RHBDD1: variants seen among roughly 807,000 people sequenced by gnomAD.
RHBDD1 encodes the protein rhomboid domain containing 1, also known as rhomboid-related protein 4.
RHBDD1 carries 38 observed loss-of-function variants against 36.3 expected under a neutral mutation model. The ratio of observed to expected loss-of-function variants is 1.05; its 90% CI spans 0.81 to 1.37. The LOEUF (loss-of-function observed/expected upper bound fraction) is 1.37, where lower values mean the gene tolerates loss of function less well. RHBDD1 is among the 40% of genes most tolerant of loss of function. The pLI, the probability that RHBDD1 is intolerant of heterozygous loss-of-function variation, is 0.00. For synonymous variants in RHBDD1, 151 were observed against 136.5 expected, an observed-to-expected ratio of 1.11 and a Z score of -0.74; for missense variants, 393 against 377.6, an observed-to-expected ratio of 1.04 and a Z score of -0.34.
intron 5 of RHBDD1, among the ~76,000 whole-genome samples, chr2:226,902,256 CA>C (rs1161870784): frequency 6.6e-6 from 1 of 152,198 alleles, no homozygotes; most frequent in South Asian, 2.1e-4. Flanking sequence ...ATGATTGTAA[CA>C]ATACTGTCTG....
chr2:226,900,431 C>A (rs531664060), intron 5 of RHBDD1, among the ~76,000 whole-genome samples: 25 of 152,224 alleles, frequency 1.6e-4, no homozygotes, highest in African/African-American at 5.8e-4. Flanking sequence ...TGCCTGGCCC[C>A]TGTGACTGTA....
intron 3 of RHBDD1, among the ~76,000 whole-genome samples, chr2:226,841,267 G>C (rs936918265): frequency 6.6e-6 from 1 of 151,934 alleles, no homozygotes; most frequent in African/African-American, 2.4e-5. Flanking sequence ...CTAGTAGCTG[G>C]GACTACAGAC....
intron 8 of RHBDD1, among the ~76,000 whole-genome samples, chr2:226,983,268 C>T (rs761566290): frequency 1.1e-4 from 16 of 151,984 alleles, no homozygotes; most frequent in African/African-American, 2.4e-4. Context: ...CCAAGCTCCC[C>T]GACGTGGATT....
rs1944177903 is a variant in RHBDD1 at position 226,864,751 on chromosome 2, T to C, written c.58T>C (p.Phe20Leu). The C allele has an allele frequency of 3.7e-6, 6 of 1,614,176 alleles. No individual in the cohort carries two copies. The highest frequency in any genetic ancestry group is 5.1e-6 in the Non-Finnish European group (6 of 1,180,018). Residue 20 changes from phenylalanine (F) to leucine (L), a missense_variant, in exon 4 of 9, where the codon TTC becomes CTC. Coordinates refer to ENST00000392062, the MANE Select transcript of RHBDD1 (RefSeq NM_001167608.3). The stretch of plus-strand genomic sequence containing the variant: ...ACTTATTCTACTCCTTTCTCAAATC[T>C]TCCATGTTGGGATCAACAATATTCC... ...TGLILLLSQI[F>L]HVGINNIPPV...
intron 8 of RHBDD1, among the ~76,000 whole-genome samples, chr2:226,947,317 A>C (rs570084231): frequency 1.3e-5 from 2 of 152,088 alleles, no homozygotes; most frequent in East Asian, 3.9e-4. Flanking sequence ...AGCTTCCTAC[A>C]TATGGCTAGC....
rs541506343 is a variant in RHBDD1, at chr2:226,997,036, T to A, written c.*1514T>A. The A allele has an allele frequency of 6.6e-6, 1 of 152,342 alleles. No individual in the cohort carries two copies. Among genetic ancestry groups the A allele is most frequent in the African/African-American group, 2.4e-5 (1 of 41,578 alleles). 9.4% of individuals were successfully genotyped at this position (152,342 alleles called of 1,614,324 possible). A position where few individuals can be genotyped will look rare whatever the true frequency, so the allele number is the denominator to read the frequency against. On this transcript the variant is annotated 3_prime_UTR_variant, in exon 9 of 9. Transcript: ENST00000392062. ...CAGCAAATTTGGAGCACATTGACCA[T>A]GGAGTTTTGTGTCCAAATCCAATCT...
At chr2:226,852,376 T>C (rs531802284) in intron 3 of RHBDD1, among the ~76,000 whole-genome samples, 3 of 152,206 alleles carry the variant, frequency 2.0e-5, no homozygotes, top group Non-Finnish European at 4.4e-5. Flanking sequence ...TTCTGGTGAC[T>C]CTAGAATACC....
rs185936436 is a variant in RHBDD1 at position 226,897,546 on chromosome 2, T to C, written c.567-9247T>C. Among the ~76,000 whole-genome samples the C allele has an allele frequency of 7.4e-4, 112 of 152,326 alleles. 1 individual carries two copies. The highest frequency in any genetic ancestry group is 2.5e-3 in the African/African-American group (104 of 41,582). ...CTCACAGTTCTACCAGCTGGAAAGT[T>C]CAAAACTGAGCCTCTGCTGAAGGCC... On this transcript the variant is annotated intron_variant, in intron 5 of 8. Coordinates refer to ENST00000392062, the MANE Select transcript of RHBDD1 (RefSeq NM_001167608.3).
intron 5 of RHBDD1, among the ~76,000 whole-genome samples, chr2:226,877,359 T>C (rs777352201): frequency 3.9e-5 from 6 of 152,222 alleles, no homozygotes; most frequent in Non-Finnish European, 7.3e-5. Flanking sequence ...ATCACATTTA[T>C]TTATGTCACC....
At chr2:226,811,807 T>C in the RHBDD1 span, among the ~76,000 whole-genome samples, 1 of 152,160 alleles carries the variant, frequency 6.6e-6, no homozygotes, top group African/African-American at 2.4e-5. Context: ...CAGTGCAAAA[T>C]GTCTTTTGAA....
chr2:226,995,605 T>C lies in RHBDD1; in HGVS notation c.*83T>C, dbSNP rs1489465804. On this transcript the variant is annotated 3_prime_UTR_variant, in exon 9 of 9. Transcript: ENST00000392062. ...CCCCAAGCCCCTAATTCATTTTAAT[T>C]CATTTTAAACAAAAGCAGAGTACAC... 1.0e-6 allele frequency: 1 copy of C among 977,874 alleles called. No homozygotes were observed. Among genetic ancestry groups the C allele is most frequent in the African/African-American group, 1.6e-5 (1 of 61,612 alleles). The allele number at this position is 977,874 out of a possible 1,614,324, so 60.6% of individuals were successfully genotyped here.
intron 5 of RHBDD1, among the ~76,000 whole-genome samples, chr2:226,868,319 A>G (rs991097674): frequency 1.3e-5 from 2 of 152,174 alleles, no homozygotes; most frequent in African/African-American, 4.8e-5. Context: ...ATCAACAAAC[A>G]GTTTGTGGTA....
chr2:226,985,177 G>A (rs140168519), intron 8 of RHBDD1, among the ~76,000 whole-genome samples: 269 of 152,298 alleles, frequency 1.8e-3, no homozygotes, highest in African/African-American at 6.2e-3. Flanking sequence ...TCACTAACAC[G>A]AGGCAGCATG....
At chr2:226,881,668 G>A (rs940115797) in intron 5 of RHBDD1, among the ~76,000 whole-genome samples, 1 of 152,090 alleles carries the variant, frequency 6.6e-6, no homozygotes, top group Admixed American at 6.5e-5. Context: ...CTGACTTTCT[G>A]TATGTTTATT....
At chr2:226,871,332 C>A (rs1944782239) in intron 5 of RHBDD1, among the ~76,000 whole-genome samples, 1 of 152,130 alleles carries the variant, frequency 6.6e-6, no homozygotes, top group African/African-American at 2.4e-5. Context: ...CCCCTAAAAA[C>A]TTCAGCAGGC....
the RHBDD1 span, among the ~76,000 whole-genome samples, chr2:226,811,595 G>A: frequency 1.3e-5 from 2 of 152,160 alleles, no homozygotes; most frequent in Non-Finnish European, 2.9e-5. Context: ...GAGCCACCAC[G>A]CCCAGCCAAT....
At chr2:226,851,559 T>G (rs933911535) in intron 3 of RHBDD1, among the ~76,000 whole-genome samples, 9 of 152,030 alleles carry the variant, frequency 5.9e-5, no homozygotes, top group African/African-American at 2.2e-4. Flanking sequence ...TTATTTTTTA[T>G]CATCTTTGCT....
chr2:226,802,649 T>C, the RHBDD1 span, among the ~76,000 whole-genome samples: 1 of 152,226 alleles, frequency 6.6e-6, no homozygotes, highest in Non-Finnish European at 1.5e-5. Context: ...CACTGAAAAT[T>C]CACGGAACAG....
At chr2:226,882,043 G>A (rs1446384799) in intron 5 of RHBDD1, among the ~76,000 whole-genome samples, 1 of 152,184 alleles carries the variant, frequency 6.6e-6, no homozygotes, top group Non-Finnish European at 1.5e-5. Context: ...CATAGATGAT[G>A]CTTATGGATA....
Sources: gnomAD v4.1 joint callset for allele counts (sites outside exome capture counted in the v4.1 genomes callset) on GRCh38, gnomAD v4.1.1 for gene constraint, MANE v1.5 for transcripts, NCBI Gene and HGNC (gene_info 2026-07-23, HGNC 2026-07-21) for gene names.